Variants in RMDN2 observed in about 807,000 individuals in gnomAD.
RMDN2 encodes the protein regulator of microtubule dynamics protein 2.
In RMDN2, 61 loss-of-function variants were observed where a neutral mutation model predicts 52.8. That is an observed-to-expected ratio of 1.16 (90% CI 0.94 to 1.43). The LOEUF (loss-of-function observed/expected upper bound fraction) is 1.43. RMDN2 is among the 40% of genes most tolerant of loss of function. The pLI is 0.00. For synonymous variants in RMDN2, 180 were observed against 153.1 expected, an observed-to-expected ratio of 1.18 and a Z score of -1.30; for missense variants, 592 against 475.3, an observed-to-expected ratio of 1.25 and a Z score of -2.28.
chr2:37,998,813 C>G (rs1210848460), intron 8 of RMDN2, among the ~76,000 whole-genome samples: 1 of 152,036 alleles, frequency 6.6e-6, no homozygotes, highest in East Asian at 1.9e-4. Flanking sequence ...AAAAGGGAGT[C>G]AATACCTCAG....
intron 10 of RMDN2, chr2:38,032,775 G>T (rs919587090): frequency 1.3e-5 from 2 of 152,380 alleles, no homozygotes; most frequent in Non-Finnish European, 2.9e-5. Context: ...GGAGGTGGAG[G>T]TTGCAGTGAG....
In RMDN2 at chr2:38,049,965, A is replaced by G. The variant is rs138163297; in HGVS notation, c.1714-17017A>G. Among the ~76,000 whole-genome samples, 201 of 152,292 alleles carry G rather than the reference A, an allele frequency of 1.3e-3. 1 individual carries two copies. In the East Asian group the frequency reaches 0.034, roughly 26 times the overall value. ...CTAATTATTGCTGCATGCTTACTTT[A>G]TTGTAAGTACTGTGCTTAAGCTAAT... On this transcript the variant is annotated intron_variant, in intron 10 of 10. Coordinates refer to the RMDN2 transcript ENST00000234195.
intron 1 of RMDN2, among the ~76,000 whole-genome samples, chr2:37,928,397 A>G (rs1666456407): frequency 6.6e-6 from 1 of 152,232 alleles, no homozygotes; most frequent in Non-Finnish European, 1.5e-5. Flanking sequence ...TGTAAGAAAC[A>G]ATGCTTGGTA....
chr2:37,963,299 C>G (rs1306373194), intron 2 of RMDN2: 1 of 139,806 alleles, frequency 7.2e-6, no homozygotes, highest in Non-Finnish European at 1.5e-5. Flanking sequence ...ATTAATTTGG[C>G]TTCATACACG....
At chr2:37,995,545 A>G (rs1235902007) in intron 7 of RMDN2, among the ~76,000 whole-genome samples, 2 of 152,228 alleles carry the variant, frequency 1.3e-5, no homozygotes, top group Non-Finnish European at 2.9e-5. Context: ...TCAACCATAT[A>G]CTGGTATTTT....
chr2:38,003,546 TGATAGATAGATAGATA>T (rs57530338), intron 8 of RMDN2, among the ~76,000 whole-genome samples: 183 of 132,464 alleles, frequency 1.4e-3, no homozygotes, highest in African/African-American at 3.5e-3. Context: ...AAGCAAGACC[TGATAGATAGATAGATA>T]GATAGATAGA....
chr2:37,953,866 T>G (rs979237258), intron 2 of RMDN2, among the ~76,000 whole-genome samples: 9 of 152,030 alleles, frequency 5.9e-5, no homozygotes, highest in African/African-American at 2.2e-4. Context: ...TTATTTTGTT[T>G]TGTTTTTTGT....
intron 10 of RMDN2, among the ~76,000 whole-genome samples, chr2:38,063,372 T>C (rs1466521375): frequency 6.6e-6 from 1 of 152,222 alleles, no homozygotes; most frequent in South Asian, 2.1e-4. Flanking sequence ...TGGCCAGTGA[T>C]GATGAGCATT....
At chr2:38,061,006 G>T (rs948900054) in intron 10 of RMDN2, among the ~76,000 whole-genome samples, 2 of 152,142 alleles carry the variant, frequency 1.3e-5, no homozygotes, top group African/African-American at 4.8e-5. Flanking sequence ...GTGCTTAAAA[G>T]AATCAGTGTG....
chr2:38,060,115 TTTA>T, intron 10 of RMDN2, among the ~76,000 whole-genome samples: 1 of 128,910 alleles, frequency 7.8e-6, no homozygotes, highest in African/African-American at 3.6e-5. Flanking sequence ...TTTATTTTAT[TTTA>T]TTTTTTTTAG....
At chr2:37,936,680 A>G (rs968534956) in intron 2 of RMDN2, among the ~76,000 whole-genome samples, 19 of 152,230 alleles carry the variant, frequency 1.2e-4, no homozygotes, top group African/African-American at 4.3e-4. Context: ...TGTTGGCCAC[A>G]TAAATGTCTT....
chr2:37,951,836 C>G (rs756911962), intron 2 of RMDN2: 1 of 1,613,682 alleles, frequency 6.2e-7, no homozygotes, highest in Non-Finnish European at 8.5e-7. Context: ...ATACAGCCTC[C>G]TATCAACAAA....
chr2:37,951,452 ATTTG>A (rs1668781627), intron 2 of RMDN2: 1 of 1,612,264 alleles, frequency 6.2e-7, no homozygotes, highest in African/African-American at 1.3e-5. Context: ...GATATTCTTT[ATTTG>A]TTGGATTTCA....
chr2:37,992,375 A>G (rs1413826830), intron 7 of RMDN2, among the ~76,000 whole-genome samples: 1 of 152,232 alleles, frequency 6.6e-6, no homozygotes, highest in African/African-American at 2.4e-5. Context: ...GGCAAAGTCA[A>G]ATAATAGAAT....
chr2:37,939,080 A>C (rs1045622158), intron 2 of RMDN2, among the ~76,000 whole-genome samples: 1 of 152,158 alleles, frequency 6.6e-6, no homozygotes, highest in Non-Finnish European at 1.5e-5. Flanking sequence ...TGTCCCAGAG[A>C]TTCTGGTACG....
chr2:38,003,037 G>C (rs1676524464), intron 8 of RMDN2: 1 of 152,180 alleles, frequency 6.6e-6, no homozygotes, highest in African/African-American at 2.4e-5. Context: ...GTACATAAAA[G>C]ATCAGTAGAT....
chr2:38,058,823 C>T (rs1681937156), intron 10 of RMDN2, among the ~76,000 whole-genome samples: 1 of 152,130 alleles, frequency 6.6e-6, no homozygotes. Context: ...TGGGAAAAAG[C>T]CAGGTCATTG....
intron 10 of RMDN2, among the ~76,000 whole-genome samples, chr2:38,037,683 A>G (rs1045622643): frequency 1.3e-5 from 2 of 152,234 alleles, no homozygotes; most frequent in African/African-American, 4.8e-5. Context: ...TCCCATTTTT[A>G]GTGTGAAAGT....
chr2:38,038,790 C>G (rs1056914370), intron 10 of RMDN2, among the ~76,000 whole-genome samples: 4 of 152,102 alleles, frequency 2.6e-5, no homozygotes, highest in African/African-American at 9.7e-5. Context: ...TTAGTAAGGG[C>G]AGAGACACTT....
Sources: allele counts gnomAD v4.1 joint callset (sites outside exome capture counted in the v4.1 genomes callset), GRCh38; gene constraint gnomAD v4.1.1; transcripts MANE v1.5; gene names NCBI Gene and HGNC (gene_info 2026-07-23, HGNC 2026-07-21).